Variants in TRAPPC10 observed in about 807,000 individuals in gnomAD.
The protein encoded by TRAPPC10 is trafficking protein particle complex subunit 10.
A neutral mutation model predicts 125.5 loss-of-function variants in TRAPPC10; 23 were observed. That is an observed-to-expected ratio of 0.18 (90% CI 0.13 to 0.26). The LOEUF is 0.26. TRAPPC10 is among the 10% of genes least tolerant of loss of function. The pLI is 1.00. For synonymous variants in TRAPPC10, 509 were observed against 518.0 expected, an observed-to-expected ratio of 0.98 and a Z score of 0.24; for missense variants, 1,123 against 1,308.4, an observed-to-expected ratio of 0.86 and a Z score of 2.19.
At position 44,095,029 on chromosome 21, in the gene TRAPPC10, TATA is replaced by T. The variant is rs567620922; in HGVS notation, c.3168+805_3168+807del. ...AATTAAATCAAATAATAGTATATAT[TATA>T]ATAATAATTTATATATAAACAAATT... On this transcript the variant is annotated intron_variant, in intron 20 of 22. Transcript: ENST00000291574. 3.7e-3 allele frequency among the ~76,000 whole-genome samples: 550 copies of T among 148,758 alleles called. 6 individuals carry two copies. The highest frequency in any genetic ancestry group is 0.013 in the African/African-American group (521 of 40,952).
At chr21:44,058,770 G>A (rs958942760) in intron 5 of TRAPPC10, among the ~76,000 whole-genome samples, 5 of 152,208 alleles carry the variant, frequency 3.3e-5, no homozygotes, top group Middle Eastern at 3.2e-3. Context: ...GGAACCAGCC[G>A]TCTGACCAGA....
chr21:44,034,877 C>T (rs1217353563), intron 2 of TRAPPC10, among the ~76,000 whole-genome samples: 1 of 152,132 alleles, frequency 6.6e-6, no homozygotes, highest in African/African-American at 2.4e-5. Context: ...ATGCCAGCAG[C>T]CAGCAGAAGC....
At chr21:44,022,598 G>A (rs1282965656) in intron 1 of TRAPPC10, among the ~76,000 whole-genome samples, 1 of 151,782 alleles carries the variant, frequency 6.6e-6, no homozygotes, top group Non-Finnish European at 1.5e-5. Flanking sequence ...ACATGTGTGA[G>A]CCACCATGCC....
chr21:44,014,118 C>T (rs1044113530), intron 1 of TRAPPC10, among the ~76,000 whole-genome samples: 7 of 152,226 alleles, frequency 4.6e-5, no homozygotes, highest in African/African-American at 1.4e-4. Flanking sequence ...TACCTCCTAG[C>T]TTGCTTACAT....
chr21:44,023,331 G>A (rs1472442566), intron 1 of TRAPPC10, among the ~76,000 whole-genome samples: 1 of 151,984 alleles, frequency 6.6e-6, no homozygotes, highest in Non-Finnish European at 1.5e-5. Flanking sequence ...CACCGCGCCC[G>A]GCCTATGTAA....
intron 1 of TRAPPC10, among the ~76,000 whole-genome samples, chr21:44,024,379 C>A (rs897131885): frequency 6.6e-6 from 1 of 152,198 alleles, no homozygotes; most frequent in African/African-American, 2.4e-5. Context: ...GCATTTCTAA[C>A]AAATGCCCAG....
intron 1 of TRAPPC10, among the ~76,000 whole-genome samples, chr21:44,016,609 G>T (rs565095454): frequency 1.3e-5 from 2 of 152,120 alleles, no homozygotes; most frequent in Non-Finnish European, 2.9e-5. Context: ...GTAGAGCTTC[G>T]TGTCTGGTTG....
chr21:44,027,041 CAT>C (rs2033138843), intron 1 of TRAPPC10, among the ~76,000 whole-genome samples: 1 of 152,342 alleles, frequency 6.6e-6, no homozygotes, highest in East Asian at 1.9e-4. Flanking sequence ...AAACACTCCA[CAT>C]GTCTCCAACA....
rs2037816997 is a variant in TRAPPC10 at position 44,082,363 on chromosome 21, G to A, written c.1724-425G>A. The stretch of plus-strand genomic sequence containing the variant: ...ACTTTGTAGACTGGCAGACACCTGG[G>A]GTTTGTTTCCACATCACAGCAGGGC... On this transcript the variant is annotated intron_variant, in intron 13 of 22. Coordinates refer to ENST00000291574, the MANE Select transcript of TRAPPC10 (RefSeq NM_003274.5). This position sits in a 1 kb window ranked among gnomAD's most constrained non-coding sequence, Gnocchi z 4.4. Among the ~76,000 whole-genome samples, 9 of 152,128 alleles carry A rather than the reference G, an allele frequency of 5.9e-5. No individual in the cohort carries two copies. In the South Asian group the frequency reaches 1.9e-3, roughly 32 times the overall value.
At chr21:44,026,001 T>C (rs564565530) in intron 1 of TRAPPC10, among the ~76,000 whole-genome samples, 2 of 152,124 alleles carry the variant, frequency 1.3e-5, no homozygotes, top group East Asian at 1.9e-4. Context: ...ACTTGGCCTT[T>C]AAACTTGGTG....
intron 1 of TRAPPC10, among the ~76,000 whole-genome samples, chr21:44,022,789 C>G (rs1042400555): frequency 6.6e-6 from 1 of 151,408 alleles, no homozygotes; most frequent in African/African-American, 2.4e-5. Context: ...ACTTGATGAA[C>G]CTGGCTCATT....
At position 44,063,394 on chromosome 21, in the gene TRAPPC10, C is replaced by T. The variant is rs955475842; in HGVS notation, c.791-144C>T. ...TGTCAGTGCTGGGAGCCGAATGCATCACTAGACCACAGGGGGTGGGCCAGT... is the reference window on the plus strand; with the variant it reads ...TGTCAGTGCTGGGAGCCGAATGCATTACTAGACCACAGGGGGTGGGCCAGT... On this transcript the variant is annotated intron_variant, in intron 6 of 22. Coordinates refer to ENST00000291574, the MANE Select transcript of TRAPPC10 (RefSeq NM_003274.5). The surrounding 1 kb of genome is among the most constrained non-coding windows in gnomAD (Gnocchi z 4.4). 7.7e-7 allele frequency: 1 copy of T among 1,305,778 alleles called. No individual in the cohort carries two copies. The highest frequency in any genetic ancestry group is 1.1e-6 in the Non-Finnish European group (1 of 950,476). The allele number at this position is 1,305,778 out of a possible 1,614,324, so 80.9% of individuals were successfully genotyped here.
chr21:44,077,326 C>A (rs972217745), intron 10 of TRAPPC10, among the ~76,000 whole-genome samples: 1 of 152,162 alleles, frequency 6.6e-6, no homozygotes, highest in Non-Finnish European at 1.5e-5. Flanking sequence ...TGGTGGCTCA[C>A]GCCTGTAATT....
At chr21:44,052,169 C>A in intron 3 of TRAPPC10, 111 bp from the exon 4 acceptor site, 2 of 956,458 alleles carry the variant, frequency 2.1e-6, no homozygotes, top group South Asian at 1.8e-5. Context: ...CCGAGCCTGT[C>A]CTGATGCTTT....
At chr21:44,023,978 G>A (rs553309964) in intron 1 of TRAPPC10, among the ~76,000 whole-genome samples, 5 of 152,294 alleles carry the variant, frequency 3.3e-5, no homozygotes, top group Admixed American at 3.3e-4. Flanking sequence ...TAGAGACAGG[G>A]TTTCACCGTG....
At chr21:44,052,574 G>A in intron 4 of TRAPPC10, 98 bp downstream of exon 4, 1 of 1,176,032 alleles carries the variant, frequency 8.5e-7, no homozygotes, top group Non-Finnish European at 1.2e-6. Flanking sequence ...CAGCAATCTC[G>A]AGTGAGTGTC....
intron 1 of TRAPPC10, among the ~76,000 whole-genome samples, chr21:44,023,519 T>G (rs747749910): frequency 1.3e-5 from 2 of 151,784 alleles, no homozygotes; most frequent in Non-Finnish European, 2.9e-5. Flanking sequence ...CCAGGGAGAG[T>G]CTCTTTCATG....
intron 6 of TRAPPC10, among the ~76,000 whole-genome samples, chr21:44,061,606 T>C (rs1003130869): frequency 1.3e-5 from 2 of 152,204 alleles, no homozygotes; most frequent in Non-Finnish European, 2.9e-5. Flanking sequence ...AAAAAATAGA[T>C]TTATTTAGCA....
At chr21:44,084,080 A>G in intron 14 of TRAPPC10, 42 bp from the exon 15 acceptor site, 1 of 1,611,664 alleles carries the variant, frequency 6.2e-7, no homozygotes, top group Admixed American at 1.7e-5. Flanking sequence ...TAACTGCAAA[A>G]CTGGGTGACG....
Sources: allele counts gnomAD v4.1 joint callset (sites outside exome capture counted in the v4.1 genomes callset), GRCh38; gene constraint gnomAD v4.1.1; non-coding constraint Gnocchi (gnomAD v3.1); transcripts MANE v1.5; gene names NCBI Gene and HGNC (gene_info 2026-07-23, HGNC 2026-07-21).